CDH18: variants seen among roughly 807,000 people sequenced by gnomAD.
CDH18 encodes the protein cadherin-18.
CDH18 carries 31 observed loss-of-function variants against 67.9 expected under a neutral mutation model. That is an observed-to-expected ratio of 0.46 (90% CI 0.34 to 0.62). CDH18 has a LOEUF of 0.62. CDH18 is among the 20% of genes least tolerant of loss of function. The pLI, the probability that CDH18 is intolerant of heterozygous loss-of-function variation, is 0.01. For synonymous variants in CDH18, 362 were observed against 347.2 expected (o/e 1.04, Z -0.48); for missense variants, 890 against 975.5 (o/e 0.91, Z 1.17).
At chr5:19,579,424 T>C (rs1039532115) in intron 7 of CDH18, among the ~76,000 whole-genome samples, 1 of 151,816 alleles carries the variant, frequency 6.6e-6, no homozygotes, top group Non-Finnish European at 1.5e-5. Context: ...TTGTTTTAGA[T>C]ACATCTGGTT....
At chr5:19,671,982 C>T (rs1195404111) in intron 5 of CDH18, among the ~76,000 whole-genome samples, 1 of 152,092 alleles carries the variant, frequency 6.6e-6, no homozygotes, top group Non-Finnish European at 1.5e-5. Context: ...AATGCAAATA[C>T]AGATGATACA....
chr5:19,615,738 G>T (rs1018891125), intron 5 of CDH18, among the ~76,000 whole-genome samples: 3 of 152,018 alleles, frequency 2.0e-5, no homozygotes, highest in Non-Finnish European at 4.4e-5. Context: ...TCTTTTTACT[G>T]TCTCCATAGT....
chr5:20,240,533 A>G (rs1331055711), intron 2 of CDH18, among the ~76,000 whole-genome samples: 2 of 152,302 alleles, frequency 1.3e-5, no homozygotes, highest in East Asian at 1.9e-4. Flanking sequence ...CCTTCTTTCA[A>G]TTCTGTTTTA....
chr5:20,000,844 G>T (rs1056208780), intron 2 of CDH18, among the ~76,000 whole-genome samples: 6 of 152,018 alleles, frequency 3.9e-5, no homozygotes, highest in Non-Finnish European at 8.8e-5. Flanking sequence ...AAGAAAAATG[G>T]CACTTTAAAG....
chr5:19,497,335 T>G (rs1742515482), intron 11 of CDH18, among the ~76,000 whole-genome samples: 1 of 152,210 alleles, frequency 6.6e-6, no homozygotes, highest in Non-Finnish European at 1.5e-5. Flanking sequence ...TTTCTTTGAA[T>G]GGATGTATTT....
At chr5:20,226,308 TG>T (rs1358654450) in intron 2 of CDH18, among the ~76,000 whole-genome samples, 1 of 152,110 alleles carries the variant, frequency 6.6e-6, no homozygotes, top group African/African-American at 2.4e-5. Flanking sequence ...TAGCTGTCAC[TG>T]TCATGAAAGA....
In CDH18 at chr5:20,215,770, T is replaced by C. The variant is rs370742060; in HGVS notation, c.-518+39674A>G. 1.5e-3 allele frequency among the ~76,000 whole-genome samples: 230 copies of C among 152,148 alleles called. 1 individual carries two copies. The highest frequency in any genetic ancestry group is 5.3e-3 in the African/African-American group (221 of 41,544). Reference sequence around the variant, plus strand: ...CTGGATAAAGAAAATGTGGTACATGTACAACATGGAATACTGTGCATTCAT... The same window carrying C: ...CTGGATAAAGAAAATGTGGTACATGCACAACATGGAATACTGTGCATTCAT... On this transcript the variant is annotated intron_variant, in intron 2 of 14. Coordinates refer to the CDH18 transcript ENST00000507958.
At chr5:19,889,262 T>A (rs1788543050) in intron 2 of CDH18, among the ~76,000 whole-genome samples, 1 of 152,082 alleles carries the variant, frequency 6.6e-6, no homozygotes, top group Non-Finnish European at 1.5e-5. Context: ...GTATATCTAG[T>A]TTGCTAATAA....
At chr5:20,421,372 T>C (rs942798689) in intron 1 of CDH18, among the ~76,000 whole-genome samples, 2 of 150,678 alleles carry the variant, frequency 1.3e-5, no homozygotes, top group African/African-American at 5.0e-5. Context: ...CTTGGTTTTT[T>C]TTTTTATGCT....
intron 2 of CDH18, among the ~76,000 whole-genome samples, chr5:20,195,603 T>C (rs1738911957): frequency 6.6e-6 from 1 of 152,088 alleles, no homozygotes; most frequent in South Asian, 2.1e-4. Context: ...CAAAATACTT[T>C]ATTTTAGTAG....
At chr5:20,079,545 A>G (rs1744263001) in intron 2 of CDH18, among the ~76,000 whole-genome samples, 1 of 152,188 alleles carries the variant, frequency 6.6e-6, no homozygotes, top group African/African-American at 2.4e-5. Flanking sequence ...TCCTTGGCAT[A>G]CTGATTGCAA....
At chr5:20,304,125 C>T in intron 1 of CDH18, 1 of 1,605,852 alleles carries the variant, frequency 6.2e-7, no homozygotes, top group Non-Finnish European at 8.5e-7. Flanking sequence ...AACATGGTGA[C>T]TGGCATGGTG....
intron 2 of CDH18, among the ~76,000 whole-genome samples, chr5:20,166,207 A>G (rs1003563143): frequency 1.3e-5 from 2 of 151,982 alleles, no homozygotes; most frequent in Admixed American, 1.3e-4. Flanking sequence ...TTGTGAGGCC[A>G]AGGCTGGCGG....
intron 2 of CDH18, among the ~76,000 whole-genome samples, chr5:20,222,455 T>A (rs972406255): frequency 6.6e-6 from 1 of 152,156 alleles, no homozygotes; most frequent in African/African-American, 2.4e-5. Context: ...ATGTAGGATT[T>A]TCATCCAGGA....
chr5:20,043,916 C>G (rs1024114562), intron 2 of CDH18, among the ~76,000 whole-genome samples: 5 of 152,136 alleles, frequency 3.3e-5, no homozygotes, highest in Non-Finnish European at 5.9e-5. Flanking sequence ...AGCAGAAAGT[C>G]AGCCCCTGCT....
intron 1 of CDH18, among the ~76,000 whole-genome samples, chr5:20,555,375 T>TAAGACAA (rs1216973772): frequency 1.5e-5 from 2 of 129,190 alleles, no homozygotes; most frequent in African/African-American, 6.0e-5. Context: ...TAGTCCAAGC[T>TAAGACAA]AAGACAAGCC....
At chr5:20,563,939 A>G (rs887349704) in intron 1 of CDH18, among the ~76,000 whole-genome samples, 1 of 152,144 alleles carries the variant, frequency 6.6e-6, no homozygotes, top group African/African-American at 2.4e-5. Flanking sequence ...TTGCCCCAGT[A>G]ACCTCTAGTT....
chr5:20,042,552 A>T (rs1740520722), intron 2 of CDH18, among the ~76,000 whole-genome samples: 1 of 152,230 alleles, frequency 6.6e-6, no homozygotes, highest in Non-Finnish European at 1.5e-5. Context: ...AGCATGTAAC[A>T]ATCACTACAT....
chr5:20,351,283 G>T (rs1440915577), intron 1 of CDH18, among the ~76,000 whole-genome samples: 7 of 150,036 alleles, frequency 4.7e-5, no homozygotes, highest in African/African-American at 1.5e-4. Context: ...TACATCAAAT[G>T]GTTAGAACAG....
Sources: gnomAD v4.1 joint callset for allele counts (sites outside exome capture counted in the v4.1 genomes callset) on GRCh38, gnomAD v4.1.1 for gene constraint, MANE v1.5 for transcripts, NCBI Gene and HGNC (gene_info 2026-07-23, HGNC 2026-07-21) for gene names.